The following EXT1 variants were observed in gnomAD, a reference collection of about 807,000 sequenced individuals.
EXT1 encodes exostosin glycosyltransferase 1.
Under a neutral mutation model 82.5 loss-of-function variants are expected in EXT1, and 20 were observed. That is an observed-to-expected ratio of 0.24 (90% CI 0.17 to 0.35). EXT1 has a LOEUF of 0.35. Ranked by LOEUF, EXT1 falls within the 10% of genes least tolerant of loss-of-function variation. The probability of loss-of-function intolerance (pLI) is 1.00; values close to 1 mark genes in which losing one functional copy is unlikely to be tolerated. For missense variants in EXT1, 757 were observed against 936.5 expected, an observed-to-expected ratio of 0.81 and a Z score of 2.50; for synonymous variants, 348 against 350.8, an observed-to-expected ratio of 0.99 and a Z score of 0.09.
rs77426688 is a variant in EXT1 at position 118,109,240 on chromosome 8, A to G, written c.962+845T>C. ...GCCTCACTACAGAGGGTAAGGAGGCATCTCACACCCATTCAAAGAGTAACA... is the reference window on the plus strand; with the variant it reads ...GCCTCACTACAGAGGGTAAGGAGGCGTCTCACACCCATTCAAAGAGTAACA... On this transcript the variant is annotated intron_variant, in intron 1 of 10. Coordinates refer to ENST00000378204, the MANE Select transcript of EXT1 (RefSeq NM_000127.3). Among the ~76,000 whole-genome samples, 10 of 152,288 alleles carry G rather than the reference A, an allele frequency of 6.6e-5. No homozygotes were observed. The East Asian group carries it at 1.9e-3, about 29-fold the overall frequency.
chr8:118,053,081 G>A (rs1043465134), intron 1 of EXT1, among the ~76,000 whole-genome samples: 1 of 152,192 alleles, frequency 6.6e-6, no homozygotes, highest in African/African-American at 2.4e-5. Flanking sequence ...ATCCTAATTT[G>A]TTGAAGCCTG....
intron 1 of EXT1, among the ~76,000 whole-genome samples, chr8:117,999,620 T>G (rs971589881): frequency 1.3e-5 from 2 of 152,116 alleles, no homozygotes; most frequent in African/African-American, 4.8e-5. Flanking sequence ...TTACACAAAT[T>G]TAATCCTCAA....
chr8:117,958,266 T>G (rs1020256157), intron 1 of EXT1, among the ~76,000 whole-genome samples: 4 of 152,218 alleles, frequency 2.6e-5, no homozygotes, highest in African/African-American at 9.6e-5. Flanking sequence ...AGCATCCAGA[T>G]GTTGAAGGTT....
At chr8:117,827,224 C>T (rs568832737) in intron 4 of EXT1, among the ~76,000 whole-genome samples, 1 of 152,258 alleles carries the variant, frequency 6.6e-6, no homozygotes, top group Admixed American at 6.5e-5. Context: ...TCATTAAAAT[C>T]ACTTCAGGGA....
At chr8:117,867,861 G>C in intron 1 of EXT1, among the ~76,000 whole-genome samples, 1 of 152,144 alleles carries the variant, frequency 6.6e-6, no homozygotes, top group South Asian at 2.1e-4. Flanking sequence ...TTGCATGACT[G>C]CCTCATCTAT....
intron 1 of EXT1, among the ~76,000 whole-genome samples, chr8:117,887,174 A>G (rs1272785292): frequency 6.6e-6 from 1 of 152,200 alleles, no homozygotes; most frequent in Non-Finnish European, 1.5e-5. Context: ...GTTCTAGACC[A>G]TACCTTAATT....
intron 1 of EXT1, among the ~76,000 whole-genome samples, chr8:117,922,637 T>C (rs1302604182): frequency 3.3e-5 from 5 of 152,090 alleles, no homozygotes; most frequent in Non-Finnish European, 5.9e-5. Context: ...AGCTGGCTTC[T>C]CTCTTCCCTT....
chr8:118,062,628 G>A (rs1430788556), intron 1 of EXT1, among the ~76,000 whole-genome samples: 2 of 152,312 alleles, frequency 1.3e-5, no homozygotes, highest in African/African-American at 4.8e-5. Context: ...AGGAACAGTA[G>A]TGGCAGTAAA....
rs548748237 is a variant in EXT1 at position 117,999,999 on chromosome 8, C to T, written c.962+110086G>A. On this transcript the variant is annotated intron_variant, in intron 1 of 10. Transcript: ENST00000378204. ...GTGTGTGTGTATATATATATCTGTA[C>T]TTTATACACACATACACACACACAT... is the stretch of plus-strand genomic sequence containing the variant. Among the ~76,000 whole-genome samples, 7 of 151,302 alleles carry T rather than the reference C, an allele frequency of 4.6e-5. No individual in the cohort carries two copies. In the South Asian group the frequency reaches 1.5e-3, roughly 32 times the overall value.
chr8:117,982,705 A>G (rs1392103979), intron 1 of EXT1, among the ~76,000 whole-genome samples: 1 of 152,080 alleles, frequency 6.6e-6, no homozygotes, highest in African/African-American at 2.4e-5. Context: ...CATGTTGGCC[A>G]GGTCTTGAAC....
At chr8:118,049,159 A>G (rs1017178999) in intron 1 of EXT1, among the ~76,000 whole-genome samples, 1 of 152,248 alleles carries the variant, frequency 6.6e-6, no homozygotes, top group Non-Finnish European at 1.5e-5. Context: ...ATATATTTCA[A>G]TGGCTACAAA....
chr8:118,091,010 A>C (rs959320107), intron 1 of EXT1, among the ~76,000 whole-genome samples: 2 of 151,950 alleles, frequency 1.3e-5, no homozygotes, highest in African/African-American at 4.8e-5. Context: ...CCCTTCCTTC[A>C]ATGGGGCAGC....
chr8:117,841,859 CT>C (rs1812280403), intron 1 of EXT1, among the ~76,000 whole-genome samples: 1 of 152,180 alleles, frequency 6.6e-6, no homozygotes, highest in Non-Finnish European at 1.5e-5. Context: ...TCCTGCCCCT[CT>C]GTAGGAAACA....
chr8:118,000,272 CAA>C (rs1815634600), intron 1 of EXT1, among the ~76,000 whole-genome samples: 1 of 152,206 alleles, frequency 6.6e-6, no homozygotes, highest in Non-Finnish European at 1.5e-5. Context: ...CTCACCTAGA[CAA>C]AACCTTTGCA....
chr8:118,090,778 C>CATAAAAAAAA (rs1817509022), intron 1 of EXT1, among the ~76,000 whole-genome samples: 1 of 27,180 alleles, frequency 3.7e-5, no homozygotes, highest in Non-Finnish European at 6.8e-5. Flanking sequence ...GATTCTGTCT[C>CATAAAAAAAA]AAAAAAAAAA....
At chr8:118,076,597 T>C (rs553730316) in intron 1 of EXT1, among the ~76,000 whole-genome samples, 1 of 152,316 alleles carries the variant, frequency 6.6e-6, no homozygotes, top group East Asian at 1.9e-4. Flanking sequence ...AATGCAAGTA[T>C]CTTATGAATT....
chr8:117,954,688 A>G (rs192206280), intron 1 of EXT1, among the ~76,000 whole-genome samples: 2 of 152,316 alleles, frequency 1.3e-5, no homozygotes, highest in East Asian at 3.9e-4. Flanking sequence ...TCTGTGAATT[A>G]TTCAAAACAA....
At chr8:117,864,665 C>T (rs895403929) in intron 1 of EXT1, among the ~76,000 whole-genome samples, 4 of 150,118 alleles carry the variant, frequency 2.7e-5, no homozygotes, top group South Asian at 2.1e-4. Flanking sequence ...AGGAGAATGG[C>T]GTGAACCCAG....
chr8:118,101,453 G>A (rs1372541502), intron 1 of EXT1, among the ~76,000 whole-genome samples: 1 of 152,160 alleles, frequency 6.6e-6, no homozygotes, highest in Non-Finnish European at 1.5e-5. Flanking sequence ...AGGTCAAAGC[G>A]ACCTGTCCAA....
Sources: allele counts gnomAD v4.1 joint callset (sites outside exome capture counted in the v4.1 genomes callset), GRCh38; gene constraint gnomAD v4.1.1; transcripts MANE v1.5; gene names NCBI Gene and HGNC (gene_info 2026-07-23, HGNC 2026-07-21).